GRIP1: variants seen among roughly 807,000 people sequenced by gnomAD.
The protein encoded by GRIP1 is glutamate receptor-interacting protein 1.
Under a neutral mutation model 129.9 loss-of-function variants are expected in GRIP1, and 45 were observed. The ratio of observed to expected loss-of-function variants is 0.35; its 90% CI spans 0.27 to 0.44. The LOEUF (loss-of-function observed/expected upper bound fraction) is 0.44, where lower values mean the gene tolerates loss of function less well. Among genes scored for constraint, GRIP1 ranks in the 20% least tolerant of loss-of-function variants. The pLI is 1.00. For synonymous variants in GRIP1, 530 were observed against 520.8 expected, an observed-to-expected ratio of 1.02 and a Z score of -0.24; for missense variants, 1,196 against 1,396.8, an observed-to-expected ratio of 0.86 and a Z score of 2.29.
At chr12:66,585,398 C>T (rs1032171536) in intron 2 of GRIP1, among the ~76,000 whole-genome samples, 2 of 136,364 alleles carry the variant, frequency 1.5e-5, no homozygotes, top group African/African-American at 2.7e-5. Flanking sequence ...TGATGATTTC[C>T]AGTTTCATCC....
chr12:66,807,455 A>G (rs2039015967), upstream of GRIP1, among the ~76,000 whole-genome samples: 1 of 151,904 alleles, frequency 6.6e-6, no homozygotes, highest in African/African-American at 2.4e-5. Flanking sequence ...AGGTGGATCA[A>G]AAGGTCAGGA....
intron 1 of GRIP1, among the ~76,000 whole-genome samples, chr12:66,657,301 C>A (rs1325758437): frequency 1.3e-5 from 2 of 152,170 alleles, no homozygotes; most frequent in Non-Finnish European, 2.9e-5. Context: ...CCTGGTCCCG[C>A]CCCATTCGCC....
At chr12:66,752,416 T>G (rs2037156794) in intron 1 of GRIP1, among the ~76,000 whole-genome samples, 1 of 152,178 alleles carries the variant, frequency 6.6e-6, no homozygotes, top group Admixed American at 6.6e-5. Context: ...TTAAACCAAG[T>G]GCATTCTGAT....
At chr12:66,471,910 C>T (rs1318220985) in intron 7 of GRIP1, among the ~76,000 whole-genome samples, 2 of 152,174 alleles carry the variant, frequency 1.3e-5, no homozygotes, top group Admixed American at 6.5e-5. Context: ...ATCCCAGGGT[C>T]AACAGACTGA....
chr12:66,447,881 AGCTGGCGACTG>A (rs2058676441), intron 11 of GRIP1, among the ~76,000 whole-genome samples: 1 of 152,190 alleles, frequency 6.6e-6, no homozygotes, highest in Non-Finnish European at 1.5e-5. Context: ...CATCTGCTCT[AGCTGGCGACTG>A]GCTTTAGGAC....
chr12:66,692,130 A>G (rs2136318021), intron 1 of GRIP1, among the ~76,000 whole-genome samples: 1 of 152,288 alleles, frequency 6.6e-6, no homozygotes, highest in South Asian at 2.1e-4. Flanking sequence ...CAGCATTGGC[A>G]CCAATAGACA....
chr12:67,046,460 A>ATTTCATGT (rs1478778504), intron 1 of GRIP1, among the ~76,000 whole-genome samples: 1 of 152,226 alleles, frequency 6.6e-6, no homozygotes, highest in Non-Finnish European at 1.5e-5. Flanking sequence ...ACATGACTGA[A>ATTTCATGT]TTTCATGTTA....
chr12:66,542,939 G>C (rs184462276), intron 2 of GRIP1, among the ~76,000 whole-genome samples: 1 of 151,830 alleles, frequency 6.6e-6, no homozygotes, highest in Admixed American at 6.6e-5. Flanking sequence ...AAACAAACTC[G>C]CTCTTTCAAA....
intron 1 of GRIP1, among the ~76,000 whole-genome samples, chr12:66,760,897 T>C (rs1263468026): frequency 1.3e-5 from 2 of 151,988 alleles, no homozygotes; most frequent in Non-Finnish European, 2.9e-5. Context: ...CCTTTGTCTG[T>C]TAAAATGACC....
intron 2 of GRIP1, among the ~76,000 whole-genome samples, chr12:66,551,342 A>C (rs2062121392): frequency 6.6e-6 from 1 of 152,220 alleles, no homozygotes; most frequent in East Asian, 1.9e-4. Flanking sequence ...AAAGGGAATA[A>C]CAGCTCAACG....
chr12:66,479,006 T>G (rs1391854606), intron 7 of GRIP1, among the ~76,000 whole-genome samples: 1 of 151,058 alleles, frequency 6.6e-6, no homozygotes, highest in African/African-American at 2.4e-5. Context: ...TGTGCACATG[T>G]ACCCTAGAAC....
intron 23 of GRIP1, among the ~76,000 whole-genome samples, chr12:66,363,404 CTTT>C (rs565776414): frequency 1.5e-5 from 2 of 133,486 alleles, no homozygotes; most frequent in African/African-American, 2.7e-5. Flanking sequence ...CCACATCTGG[CTTT>C]TTTTTTTTTT....
chr12:66,629,330 G>T (rs962639332), intron 1 of GRIP1, among the ~76,000 whole-genome samples: 1 of 152,176 alleles, frequency 6.6e-6, no homozygotes, highest in Non-Finnish European at 1.5e-5. Flanking sequence ...GACACAAATG[G>T]CATGAAGCCT....
intron 7 of GRIP1, among the ~76,000 whole-genome samples, chr12:66,508,242 A>T (rs914183935): frequency 1.3e-5 from 2 of 152,190 alleles, no homozygotes; most frequent in Admixed American, 1.3e-4. Flanking sequence ...CTTAATGATG[A>T]TGATTCATAA....
At chr12:66,779,059 G>A (rs1381570769) in intron 1 of GRIP1, among the ~76,000 whole-genome samples, 1 of 152,132 alleles carries the variant, frequency 6.6e-6, no homozygotes, top group Non-Finnish European at 1.5e-5. Context: ...AAGAAAAGAT[G>A]GAGAAATCAG....
In GRIP1 at chr12:66,752,229, T is replaced by C. The variant is rs557999655; in HGVS notation, c.-420+51824A>G. On this transcript the variant is annotated intron_variant, in intron 1 of 4. Transcript: ENST00000538373. ...ACAGTGGAGGCTCTGGTTAGGATCATAGCTTGGAATGAATGAAGTGCACTG... is the reference window on the plus strand; with the variant it reads ...ACAGTGGAGGCTCTGGTTAGGATCACAGCTTGGAATGAATGAAGTGCACTG... 7.9e-5 allele frequency among the ~76,000 whole-genome samples: 12 copies of C among 152,320 alleles called. No individual in the cohort carries two copies. In the South Asian group the frequency reaches 2.3e-3, roughly 29 times the overall value.
intron 1 of GRIP1, among the ~76,000 whole-genome samples, chr12:66,790,801 G>T (rs1370930687): frequency 2.0e-5 from 3 of 152,168 alleles, no homozygotes; most frequent in African/African-American, 7.2e-5. Context: ...GCTCATTTGT[G>T]ACATCTAAAT....
intron 15 of GRIP1, among the ~76,000 whole-genome samples, chr12:66,414,989 TGGATTAAAGACTTAAATGTAAATCCC>T (rs2057543211): frequency 1.4e-5 from 2 of 146,288 alleles, no homozygotes; most frequent in African/African-American, 5.1e-5. Flanking sequence ...TAAAATAAAA[TGGATTAAAGACTTAAATGTAAATCCC>T]AAAATTATAA....
chr12:66,464,799 G>A lies in GRIP1; in HGVS notation c.872+476C>T, dbSNP rs117764652. 8.0e-5 allele frequency among the ~76,000 whole-genome samples: 12 copies of A among 149,870 alleles called. No homozygotes were observed. In the East Asian group the frequency reaches 2.2e-3, roughly 27 times the overall value. ...TAACTTGCTTCTGTGTGTGAAACCT[G>A]TATAAACTGGCAAGAGAACTGTGTG... On this transcript the variant is annotated intron_variant, in intron 8 of 24. Coordinates refer to ENST00000359742, the MANE Select transcript of GRIP1 (RefSeq NM_001366722.1).
Sources: allele counts gnomAD v4.1 joint callset (sites outside exome capture counted in the v4.1 genomes callset), GRCh38; gene constraint gnomAD v4.1.1; transcripts MANE v1.5; gene names NCBI Gene and HGNC (gene_info 2026-07-23, HGNC 2026-07-21).